Variants in HEATR4 observed in about 807,000 individuals in gnomAD.
HEATR4 encodes HEAT repeat containing 4, also known as HEAT repeat-containing protein 4.
HEATR4 carries 95 observed loss-of-function variants against 108.8 expected under a neutral mutation model. The ratio of observed to expected loss-of-function variants is 0.87; its 90% CI spans 0.74 to 1.04. The LOEUF is 1.04. Among genes scored for constraint, HEATR4 ranks in the 50% least tolerant of loss-of-function variants. HEATR4 has a pLI of 0.00. For missense variants in HEATR4, 1,152 were observed against 1,253.8 expected (o/e 0.92, Z 1.23); for synonymous variants, 443 against 459.4 (o/e 0.96, Z 0.46).
chr14:73,520,923 C>G lies in HEATR4; in HGVS notation c.998G>C (p.Arg333Pro). The change falls in exon 4 of 18, where the codon CGC becomes CCC. Residue 333 changes from arginine (R) to proline (P), a missense_variant. Physicochemically the swap from Arg to Pro is moderately radical, Grantham distance 103. Coordinates refer to ENST00000553558, the MANE Select transcript of HEATR4 (RefSeq NM_001220484.1). ...CTTTCCAGCTCGGGGAGTCACCTGG[C>G]GAAAGTAGCTCTGGGTTTGGGGCTG... ...LSQPQTQSYF[R>P]QVTPRAGKFA... The G allele has an allele frequency of 6.2e-7, 1 of 1,613,930 alleles. No homozygotes were observed. Among genetic ancestry groups the G allele is most frequent in the Non-Finnish European group, 8.5e-7 (1 of 1,179,996 alleles).
chr14:73,560,882 C>A (rs1175707036), upstream of HEATR4, among the ~76,000 whole-genome samples: 14 of 151,892 alleles, frequency 9.2e-5, 1 homozygote, highest in South Asian at 1.0e-3. Context: ...TGTGATCCAG[C>A]AATTCTACTT....
the HEATR4 span, chr14:73,567,630 A>T: frequency 6.6e-6 from 1 of 152,054 alleles, no homozygotes; most frequent in South Asian, 2.1e-4. Flanking sequence ...AACCTGCGTG[A>T]GTTCCGCTCC....
intron 10 of HEATR4, among the ~76,000 whole-genome samples, chr14:73,504,132 C>T (rs1400448967): frequency 2.0e-5 from 3 of 147,436 alleles, no homozygotes; most frequent in African/African-American, 7.6e-5. Context: ...GGCTGGAGTG[C>T]AATGGCACGA....
At chr14:73,619,738 A>T in the HEATR4 span, 2 of 1,613,984 alleles carry the variant, frequency 1.2e-6, no homozygotes, top group Non-Finnish European at 1.7e-6. Context: ...AGGTGAGCCA[A>T]AGGCTCACTC....
At chr14:73,587,357 CTT>C in the HEATR4 span, among the ~76,000 whole-genome samples, 42 of 147,556 alleles carry the variant, frequency 2.8e-4, no homozygotes, top group South Asian at 4.8e-3. Context: ...GCAACATCCA[CTT>C]TTTTTTTTTT....
Position 73,558,370 on chromosome 14 carries a change from GTT to G in HEATR4, c.-152+379_-152+380del, listed in dbSNP as rs67300726. On this transcript the variant is annotated intron_variant, in intron 1 of 17. Transcript: ENST00000553558. Reference sequence around the variant, plus strand: ...ATGACCTGGTCTAATGCCTTGATTTGTTTTTTTTTTTTTGAGACAGGGTCTCA... The same window carrying G: ...ATGACCTGGTCTAATGCCTTGATTTGTTTTTTTTTTTGAGACAGGGTCTCA... Among the ~76,000 whole-genome samples, 248 of 120,242 alleles carry G rather than the reference GTT, an allele frequency of 2.1e-3. 4 individuals are homozygous for G. Among genetic ancestry groups the G allele is most frequent in the Non-Finnish European group, 3.2e-3 (177 of 55,592 alleles). The allele number at this position is 120,242 out of a possible 152,430, so 78.9% of individuals were successfully genotyped here. A position where few individuals can be genotyped will look rare whatever the true frequency, so the allele number is the denominator to read the frequency against.
intron 17 of HEATR4, chr14:73,491,077 C>G (rs781077622): frequency 4.4e-6 from 7 of 1,597,216 alleles, no homozygotes; most frequent in Non-Finnish European, 6.0e-6. Flanking sequence ...AGCGCCGGCG[C>G]AAGCCCCAGC....
At chr14:73,608,788 G>T in the HEATR4 span, among the ~76,000 whole-genome samples, 3 of 152,256 alleles carry the variant, frequency 2.0e-5, no homozygotes, top group South Asian at 6.2e-4. Flanking sequence ...GATAATTTAC[G>T]AAGGAAAGAG....
At chr14:73,505,258 C>T (rs1305218908) in intron 10 of HEATR4, among the ~76,000 whole-genome samples, 2 of 152,044 alleles carry the variant, frequency 1.3e-5, no homozygotes, top group Non-Finnish European at 2.9e-5. Context: ...CCACACTAAT[C>T]TCTCTCTCTC....
the HEATR4 span, among the ~76,000 whole-genome samples, chr14:73,633,315 A>C: frequency 6.6e-6 from 1 of 152,058 alleles, no homozygotes; most frequent in Admixed American, 6.6e-5. Context: ...CTGTAGTTCC[A>C]CTTTCTGAAT....
the HEATR4 span, among the ~76,000 whole-genome samples, chr14:73,599,038 ATGTGATGC>A: frequency 0.021 from 3,144 of 152,124 alleles, 113 homozygotes; most frequent in African/African-American, 0.071. Flanking sequence ...TACCTTGAGG[ATGTGATGC>A]TGTGATGCTG....
rs780961946 is a variant in HEATR4 at position 73,495,314 on chromosome 14, C to T, written c.2699G>A (p.Arg900Lys). ...CAAGTAAACACGTTTTGCTTCCTCCCTCACTTTTCCCATGACCATCTCCAG... is the reference window on the plus strand; with the variant it reads ...CAAGTAAACACGTTTTGCTTCCTCCTTCACTTTTCCCATGACCATCTCCAG... ...LKLEMVMGKVREEAKRVYLKP... is the reference protein window; with the variant it reads ...LKLEMVMGKVKEEAKRVYLKP... Residue 900 changes from arginine to lysine, a missense_variant, in exon 16 of 18, where the codon AGG becomes AAG. Transcript: ENST00000553558. 3.1e-6 allele frequency: 5 copies of T among 1,613,890 alleles called. No individual in the cohort carries two copies. The highest frequency in any genetic ancestry group is 4.2e-6 in the Non-Finnish European group (5 of 1,179,950).
At position 73,495,326 on chromosome 14, in the gene HEATR4, A is replaced by G. The variant is rs138404328; in HGVS notation, c.2687T>C (p.Met896Thr). Reference sequence around the variant, plus strand: ...TTTTGCTTCCTCCCTCACTTTTCCCATGACCATCTCCAGCTTGAGTATTTT... The same window carrying G: ...TTTTGCTTCCTCCCTCACTTTTCCCGTGACCATCTCCAGCTTGAGTATTTT... ...THKILKLEMVMGKVREEAKRV... is the reference protein window; with the variant it reads ...THKILKLEMVTGKVREEAKRV... The change falls in exon 16 of 18, where the codon ATG becomes ACG. Residue 896 changes from methionine to threonine, a missense_variant. Transcript: ENST00000553558. 212 of 1,613,956 alleles carry G rather than the reference A, an allele frequency of 1.3e-4. No homozygotes were observed. Among genetic ancestry groups the G allele is most frequent in the Non-Finnish European group, 1.7e-4 (206 of 1,179,910 alleles).
At chr14:73,561,365 C>CA (rs1302217437), upstream of HEATR4, among the ~76,000 whole-genome samples, 17 of 137,610 alleles carry the variant, frequency 1.2e-4, no homozygotes, top group Non-Finnish European at 2.0e-4. Flanking sequence ...GAGTTTATCT[C>CA]AAAAAAAAAG....
At position 73,480,239 on chromosome 14, in the gene HEATR4, C is replaced by T. The variant is rs147546185; in HGVS notation, c.2845-1397G>A. ...GGCAGCTCACTTGAGGTCGGGAGTT[C>T]AAGACCAGCCTGGCCAACATGGTGA... On this transcript the variant is annotated intron_variant, in intron 17 of 17. Coordinates refer to ENST00000553558, the MANE Select transcript of HEATR4 (RefSeq NM_001220484.1). 8.5e-3 allele frequency among the ~76,000 whole-genome samples: 1,294 copies of T among 151,986 alleles called. 15 individuals are homozygous for T. The highest frequency in any genetic ancestry group is 0.029 in the African/African-American group (1,185 of 41,470).
Position 73,512,109 on chromosome 14 carries a change from C to G in HEATR4, c.1455G>C (p.Gln485His), listed in dbSNP as rs1325591288. 1.2e-6 allele frequency: 2 copies of G among 1,614,156 alleles called. No homozygotes were observed. The highest frequency in any genetic ancestry group is 1.1e-5 in the South Asian group (1 of 91,084). ...WHHETVENLL[Q>H]SLGDLHDDVR... The stretch of plus-strand genomic sequence containing the variant: ...CGTCATCATGCAGGTCTCCCAAGCT[C>G]TGAAGCAGGTTCTCTACTGTCTCAT... Residue 485 changes from glutamine (Q) to histidine (H), a missense_variant, in exon 7 of 18, where the codon CAG becomes CAC. Transcript: ENST00000553558.
At chr14:73,571,595 T>C in the HEATR4 span, 1 of 151,200 alleles carries the variant, frequency 6.6e-6, no homozygotes, top group Non-Finnish European at 1.5e-5. Context: ...CAGTGTCACA[T>C]GCAGCTCCCT....
chr14:73,489,898 G>C (rs1167867563), intron 17 of HEATR4, among the ~76,000 whole-genome samples: 4 of 152,216 alleles, frequency 2.6e-5, no homozygotes, highest in African/African-American at 9.6e-5. Context: ...CCTAGATAAG[G>C]CTTCAATCAG....
At chr14:73,508,742 AC>A (rs1566831247) in intron 8 of HEATR4, among the ~76,000 whole-genome samples, 1 of 113,556 alleles carries the variant, frequency 8.8e-6, no homozygotes, top group East Asian at 2.7e-4. Flanking sequence ...CGAGAGTGAA[AC>A]TCTGTCTCAA....
Sources: allele counts gnomAD v4.1 joint callset (sites outside exome capture counted in the v4.1 genomes callset), GRCh38; gene constraint gnomAD v4.1.1; transcripts MANE v1.5; gene names NCBI Gene and HGNC (gene_info 2026-07-23, HGNC 2026-07-21).